The following STXBP5L variants were observed in gnomAD, a reference collection of about 807,000 sequenced individuals.
The protein encoded by STXBP5L is syntaxin-binding protein 5-like.
STXBP5L carries 65 observed loss-of-function variants against 144.5 expected under a neutral mutation model. That is an observed-to-expected ratio of 0.45 (90% CI 0.37 to 0.55). The LOEUF (loss-of-function observed/expected upper bound fraction) is 0.55, where lower values mean the gene tolerates loss of function less well. STXBP5L is among the 20% of genes least tolerant of loss of function. The probability of loss-of-function intolerance (pLI) is 0.00; values close to 1 mark genes in which losing one functional copy is unlikely to be tolerated. For synonymous variants in STXBP5L, 505 were observed against 469.6 expected (o/e 1.08, Z -0.97); for missense variants, 1,298 against 1,405.5 (o/e 0.92, Z 1.22).
At chr3:121,032,485 C>T (rs1206768603) in intron 3 of STXBP5L, among the ~76,000 whole-genome samples, 2 of 151,850 alleles carry the variant, frequency 1.3e-5, no homozygotes, top group Admixed American at 6.6e-5. Context: ...AAAACCTAGG[C>T]ATTACCATTC....
intron 7 of STXBP5L, among the ~76,000 whole-genome samples, chr3:121,149,039 T>C (rs1417053637): frequency 6.6e-6 from 1 of 152,054 alleles, no homozygotes; most frequent in African/African-American, 2.4e-5. Context: ...GTCAGGATAG[T>C]GGTTATTTTT....
intron 3 of STXBP5L, among the ~76,000 whole-genome samples, chr3:120,990,488 C>T (rs1942734402): frequency 6.6e-6 from 1 of 152,078 alleles, no homozygotes; most frequent in African/African-American, 2.4e-5. Context: ...AAAAAAGAGC[C>T]CACATCGCCA....
rs751191295 is a variant in STXBP5L, at chr3:121,418,350, G to A, written c.3240G>A (p.Ser1080=). ...ATATATTCTCAGTTGGGGAAGCTTCGGCAGGAAAAGCATCCCGCAGCCTTG... is the reference window on the plus strand; with the variant it reads ...ATATATTCTCAGTTGGGGAAGCTTCAGCAGGAAAAGCATCCCGCAGCCTTG... ...FDREELFGEA[S]AGKASRSLAQ... The change falls in exon 26 of 27, where the codon TCG becomes TCA. Residue 1080 remains serine, a synonymous_variant. Transcript: ENST00000471454. 42 of 1,612,984 alleles carry A rather than the reference G, an allele frequency of 2.6e-5. No individual in the cohort carries two copies. The highest frequency in any genetic ancestry group is 1.8e-4 in the South Asian group (16 of 90,954).
chr3:121,077,157 G>T (rs1353083917), intron 5 of STXBP5L, among the ~76,000 whole-genome samples: 1 of 152,196 alleles, frequency 6.6e-6, no homozygotes, highest in Non-Finnish European at 1.5e-5. Flanking sequence ...AGCCCCACCT[G>T]CATCTGGTGT....
chr3:121,057,802 TATA>T (rs912192420), intron 5 of STXBP5L, among the ~76,000 whole-genome samples: 13 of 152,006 alleles, frequency 8.6e-5, no homozygotes, highest in African/African-American at 2.4e-4. Context: ...AATAATTTGG[TATA>T]ATAATAAAAA....
At chr3:120,960,834 C>A (rs1268894958) in intron 3 of STXBP5L, among the ~76,000 whole-genome samples, 2 of 151,116 alleles carry the variant, frequency 1.3e-5, no homozygotes, top group Non-Finnish European at 3.0e-5. Context: ...GGGTGCAGCA[C>A]ACCAGCATGG....
intron 3 of STXBP5L, among the ~76,000 whole-genome samples, chr3:120,992,026 T>C (rs1487368337): frequency 6.6e-6 from 1 of 152,172 alleles, no homozygotes; most frequent in Non-Finnish European, 1.5e-5. Flanking sequence ...TATATTTCTT[T>C]CCATGTTTTT....
chr3:121,284,234 C>A (rs1003558821), intron 19 of STXBP5L, among the ~76,000 whole-genome samples: 2 of 152,026 alleles, frequency 1.3e-5, no homozygotes, highest in South Asian at 4.1e-4. Context: ...TTTCTATCAA[C>A]AACCTCAAAT....
chr3:121,106,390 T>C (rs1201823746), intron 5 of STXBP5L, among the ~76,000 whole-genome samples: 1 of 152,156 alleles, frequency 6.6e-6, no homozygotes, highest in Admixed American at 6.6e-5. Flanking sequence ...CTATTTATTA[T>C]GACACTTTCC....
intron 3 of STXBP5L, among the ~76,000 whole-genome samples, chr3:120,988,317 T>C (rs1204317125): frequency 6.6e-6 from 1 of 151,916 alleles, no homozygotes; most frequent in Non-Finnish European, 1.5e-5. Context: ...CATTTAGTTA[T>C]ATTTATTTTT....
intron 20 of STXBP5L, among the ~76,000 whole-genome samples, chr3:121,341,289 C>T (rs1287855627): frequency 6.6e-6 from 1 of 152,114 alleles, no homozygotes; most frequent in East Asian, 1.9e-4. Context: ...GCTCGACATC[C>T]TTGATCTTCA....
Position 121,191,888 on chromosome 3 carries a change from T to C in STXBP5L, c.878-14035T>C, listed in dbSNP as rs144678281. On this transcript the variant is annotated intron_variant, in intron 9 of 26. Coordinates refer to ENST00000471454, the MANE Select transcript of STXBP5L (RefSeq NM_001308330.2). ...GCACGTTCTCACTCATAGGTGGGAA[T>C]TGAACAATGAGAACACTGGGACACA... Among the ~76,000 whole-genome samples, 489 of 150,940 alleles carry C rather than the reference T, an allele frequency of 3.2e-3. 6 individuals are homozygous for C. The highest frequency in any genetic ancestry group is 0.01 in the African/African-American group (412 of 40,964).
intron 10 of STXBP5L, 21 bp from the exon 11 acceptor site, chr3:121,222,982 T>C (rs1340452652): frequency 6.3e-7 from 1 of 1,583,290 alleles, no homozygotes; most frequent in Non-Finnish European, 8.6e-7. Context: ...CTGAGTCTCA[T>C]TCATGTTTTT....
chr3:121,025,476 C>G (rs1290739174), intron 3 of STXBP5L, among the ~76,000 whole-genome samples: 4 of 152,058 alleles, frequency 2.6e-5, no homozygotes, highest in African/African-American at 7.2e-5. Context: ...AGCCTGAGTT[C>G]TCATATAGCA....
chr3:120,978,161 C>T (rs1041810786), intron 3 of STXBP5L, among the ~76,000 whole-genome samples: 2 of 152,174 alleles, frequency 1.3e-5, no homozygotes, highest in African/African-American at 2.4e-5. Flanking sequence ...GTTCCATTCT[C>T]CCTGTCACTT....
chr3:121,254,986 G>C lies in STXBP5L; in HGVS notation c.1533G>C (p.Glu511Asp). Residue 511 changes from glutamate to aspartate, a missense_variant, in exon 16 of 27, where the codon GAG (glutamate) becomes GAC (aspartate). Glu to Asp is a conservative substitution (Grantham distance 45). Coordinates refer to ENST00000471454, the MANE Select transcript of STXBP5L (RefSeq NM_001308330.2). The stretch of plus-strand genomic sequence containing the variant: ...GAAAACAAACATGTGAAATTGTAGA[G>C]GAAGACCCATTTGCCATTCAGATGA... Reference protein sequence around the residue: ...GEGKQTCEIVEEDPFAIQMIY... With the variant: ...GEGKQTCEIVDEDPFAIQMIY... 1 of 1,613,578 alleles carries C rather than the reference G, an allele frequency of 6.2e-7. No individual in the cohort carries two copies. The highest frequency in any genetic ancestry group is 8.5e-7 in the Non-Finnish European group (1 of 1,179,700).
At chr3:121,166,454 A>G (rs1237203511) in intron 9 of STXBP5L, among the ~76,000 whole-genome samples, 1 of 152,148 alleles carries the variant, frequency 6.6e-6, no homozygotes, top group Non-Finnish European at 1.5e-5. Context: ...CTTAATTTCT[A>G]TAATTAGTTT....
At chr3:120,943,367 G>A (rs1334072761) in intron 2 of STXBP5L, among the ~76,000 whole-genome samples, 1 of 151,640 alleles carries the variant, frequency 6.6e-6, no homozygotes, top group African/African-American at 2.4e-5. Context: ...TTCTGTATCT[G>A]TATCTTGCCA....
chr3:121,324,454 G>T, intron 20 of STXBP5L: 1 of 659,914 alleles, frequency 1.5e-6, no homozygotes, highest in Non-Finnish European at 2.7e-6. Context: ...CTTAGGCTAA[G>T]GTACTCCATG....
Sources: allele counts gnomAD v4.1 joint callset (sites outside exome capture counted in the v4.1 genomes callset), GRCh38; gene constraint gnomAD v4.1.1; transcripts MANE v1.5; gene names NCBI Gene and HGNC (gene_info 2026-07-23, HGNC 2026-07-21).